Variants in LYRM4 observed in about 807,000 individuals in gnomAD.
LYRM4 encodes the protein LYR motif-containing protein 4.
In LYRM4, 9 loss-of-function variants were observed where a neutral mutation model predicts 11.7. The ratio of observed to expected loss-of-function variants is 0.77; its 90% CI spans 0.46 to 1.34. The LOEUF is 1.34. Ranked by LOEUF, LYRM4 falls within the 40% of genes most tolerant of loss-of-function variation. The pLI, the probability that LYRM4 is intolerant of heterozygous loss-of-function variation, is 0.00. For synonymous variants in LYRM4, 42 were observed against 40.4 expected (o/e 1.04, Z -0.15); for missense variants, 133 against 112.5 (o/e 1.18, Z -0.82).
intron 2 of LYRM4, among the ~76,000 whole-genome samples, chr6:5,192,400 A>G (rs760006502): frequency 3.9e-4 from 60 of 152,318 alleles, no homozygotes; most frequent in South Asian, 8.3e-4. Flanking sequence ...CGCTTCCTGA[A>G]TGTGCTCTGA....
intron 2 of LYRM4, among the ~76,000 whole-genome samples, chr6:5,134,840 TAA>T (rs66719633): frequency 0.32 from 47,708 of 148,636 alleles, 8,787 homozygotes; most frequent in African/African-American, 0.46. Flanking sequence ...AATGTCTATT[TAA>T]GAGATCTCAT....
chr6:5,237,357 G>A (rs1763611763), intron 1 of LYRM4, among the ~76,000 whole-genome samples: 1 of 151,776 alleles, frequency 6.6e-6, no homozygotes, highest in Non-Finnish European at 1.5e-5. Context: ...AGAATCTAAC[G>A]CCTGAAGATC....
chr6:5,230,526 T>A (rs1202527177), intron 1 of LYRM4, among the ~76,000 whole-genome samples: 1 of 152,182 alleles, frequency 6.6e-6, no homozygotes, highest in African/African-American at 2.4e-5. Flanking sequence ...CAGAACACAG[T>A]TTTCTAAATT....
chr6:5,043,471 C>T, the LYRM4 span: 1 of 152,162 alleles, frequency 6.6e-6, no homozygotes, highest in Non-Finnish European at 1.5e-5. Context: ...TGATGGCCTT[C>T]TTTCTAAGTC....
At chr6:5,144,492 C>G (rs1234819015) in intron 2 of LYRM4, among the ~76,000 whole-genome samples, 1 of 151,842 alleles carries the variant, frequency 6.6e-6, no homozygotes, top group Non-Finnish European at 1.5e-5. Flanking sequence ...AAAAAATTAG[C>G]CGGGCATGGC....
chr6:5,132,826 C>T (rs141135649), intron 2 of LYRM4: 1 of 152,338 alleles, frequency 6.6e-6, no homozygotes, highest in African/African-American at 2.4e-5. Flanking sequence ...AACTAGAACT[C>T]CCATCTCCGT....
At chr6:5,128,624 A>T (rs1005378725) in intron 2 of LYRM4, among the ~76,000 whole-genome samples, 1 of 152,218 alleles carries the variant, frequency 6.6e-6, no homozygotes, top group South Asian at 2.1e-4. Flanking sequence ...CATTTGGAGA[A>T]GATGCTTCCC....
chr6:5,114,152 G>A (rs1411596467), intron 2 of LYRM4, among the ~76,000 whole-genome samples: 7 of 152,202 alleles, frequency 4.6e-5, no homozygotes, highest in Non-Finnish European at 8.8e-5. Context: ...CCGCCCTCCA[G>A]TTTGTCTCCG....
chr6:5,124,503 A>G (rs4960066), intron 2 of LYRM4, among the ~76,000 whole-genome samples: 27,510 of 152,076 alleles, frequency 0.18, 2,709 homozygotes, highest in African/African-American at 0.23. Flanking sequence ...CCTTTTGCCT[A>G]TGCCTCCGAC....
the LYRM4 span, among the ~76,000 whole-genome samples, chr6:5,053,283 C>T: frequency 1.3e-5 from 2 of 152,124 alleles, no homozygotes; most frequent in Non-Finnish European, 2.9e-5. Flanking sequence ...CAGATAAACC[C>T]TTTCCTCTAC....
chr6:5,238,459 T>A (rs1238578417), intron 1 of LYRM4, among the ~76,000 whole-genome samples: 2 of 152,206 alleles, frequency 1.3e-5, no homozygotes, highest in African/African-American at 4.8e-5. Context: ...TAAAGAGACA[T>A]CATTGATTAT....
At chr6:5,035,331 A>G in the LYRM4 span, among the ~76,000 whole-genome samples, 2 of 151,880 alleles carry the variant, frequency 1.3e-5, no homozygotes, top group Non-Finnish European at 2.9e-5. Context: ...CTAGTCACCC[A>G]GATCCATCCT....
At chr6:5,085,788 G>T in the LYRM4 span, 1 of 1,531,490 alleles carries the variant, frequency 6.5e-7, no homozygotes, top group Non-Finnish European at 8.8e-7. Context: ...TCCTGCAGCA[G>T]CAGCAGCAAC....
At chr6:5,200,854 T>G (rs879644428) in intron 2 of LYRM4, among the ~76,000 whole-genome samples, 1 of 151,150 alleles carries the variant, frequency 6.6e-6, no homozygotes, top group Non-Finnish European at 1.5e-5. Context: ...TGACGTACAG[T>G]CAGGGCTGAT....
chr6:5,040,348 G>GATACATAC, the LYRM4 span, among the ~76,000 whole-genome samples: 8 of 138,148 alleles, frequency 5.8e-5, no homozygotes, highest in Non-Finnish European at 1.2e-4. Context: ...TAGATAGATA[G>GATACATAC]ATAGATACAT....
chr6:5,224,193 C>T lies in LYRM4; in HGVS notation c.87-7455G>A, dbSNP rs143353065. On this transcript the variant is annotated intron_variant, in intron 1 of 2. Coordinates refer to ENST00000330636, the MANE Select transcript of LYRM4 (RefSeq NM_020408.6). ...ACAAAATATTAATATCCTTAGAATA[C>T]AAATAGCACATATAAATTGAGAAGA... 6.3e-3 allele frequency among the ~76,000 whole-genome samples: 965 copies of T among 152,274 alleles called. 4 individuals are homozygous for T. Among genetic ancestry groups the T allele is most frequent in the African/African-American group, 0.022 (912 of 41,566 alleles).
chr6:5,226,324 C>T (rs1173564483), intron 1 of LYRM4, among the ~76,000 whole-genome samples: 1 of 152,120 alleles, frequency 6.6e-6, no homozygotes, highest in East Asian at 1.9e-4. Flanking sequence ...TAACTCTGGT[C>T]TTTCCGGAGT....
chr6:5,126,302 C>G (rs1163289149), intron 2 of LYRM4, among the ~76,000 whole-genome samples: 2 of 152,204 alleles, frequency 1.3e-5, no homozygotes, highest in Non-Finnish European at 2.9e-5. Context: ...AGGCCACCAG[C>G]ACCAACTGAG....
chr6:5,127,489 C>T (rs1360288602), intron 2 of LYRM4, among the ~76,000 whole-genome samples: 2 of 152,132 alleles, frequency 1.3e-5, no homozygotes, highest in African/African-American at 2.4e-5. Context: ...ATTACAGCCC[C>T]AATACTGTCT....
Sources: gnomAD v4.1 joint callset for allele counts (sites outside exome capture counted in the v4.1 genomes callset) on GRCh38, gnomAD v4.1.1 for gene constraint, MANE v1.5 for transcripts, NCBI Gene and HGNC (gene_info 2026-07-23, HGNC 2026-07-21) for gene names.